The following NT5DC1 variants were observed in gnomAD, a reference collection of about 807,000 sequenced individuals.
The protein encoded by NT5DC1 is 5'-nucleotidase domain-containing protein 1.
A neutral mutation model predicts 59.4 loss-of-function variants in NT5DC1; 42 were observed. The ratio of observed to expected loss-of-function variants is 0.71; its 90% CI spans 0.55 to 0.92. NT5DC1 has a LOEUF of 0.92. NT5DC1 is among the 40% of genes least tolerant of loss of function. The pLI is 0.00. For missense variants in NT5DC1, 501 were observed against 537.1 expected (o/e 0.93, Z 0.66); for synonymous variants, 172 against 188.1 (o/e 0.91, Z 0.70).
At chr6:116,131,964 T>C (rs556758074) in intron 6 of NT5DC1, among the ~76,000 whole-genome samples, 3 of 152,358 alleles carry the variant, frequency 2.0e-5, no homozygotes, top group African/African-American at 7.2e-5. Context: ...CTAAGGATAA[T>C]GGCCTCCAGC....
intron 4 of NT5DC1, among the ~76,000 whole-genome samples, chr6:116,112,954 A>G (rs991432640): frequency 6.6e-6 from 1 of 152,232 alleles, no homozygotes; most frequent in Non-Finnish European, 1.5e-5. Context: ...TACATTTAGG[A>G]AATTTAAAGC....
At chr6:116,182,496 C>A (rs1031250648) in intron 6 of NT5DC1, among the ~76,000 whole-genome samples, 62 of 152,192 alleles carry the variant, frequency 4.1e-4, no homozygotes, top group African/African-American at 1.5e-3. Flanking sequence ...AGTTTACATA[C>A]CCACCAACAG....
intron 6 of NT5DC1, among the ~76,000 whole-genome samples, chr6:116,156,986 C>T (rs888489164): frequency 1.3e-5 from 2 of 152,074 alleles, no homozygotes; most frequent in Non-Finnish European, 2.9e-5. Context: ...CTCATCATAG[C>T]TTGTTTATTT....
chr6:116,241,213 CACTAAAGGAA>C (rs1274143388), intron 11 of NT5DC1, among the ~76,000 whole-genome samples: 2 of 151,292 alleles, frequency 1.3e-5, no homozygotes, highest in African/African-American at 4.9e-5. Context: ...CAGAAACCTG[CACTAAAGGAA>C]ATAAAGATTA....
chr6:116,219,242 G>A (rs930356477), intron 6 of NT5DC1, among the ~76,000 whole-genome samples: 2 of 152,278 alleles, frequency 1.3e-5, no homozygotes, highest in East Asian at 1.9e-4. Context: ...CGCCATCTCT[G>A]GTATATCAGA....
At chr6:116,177,590 A>G (rs1780762361) in intron 6 of NT5DC1, among the ~76,000 whole-genome samples, 1 of 152,186 alleles carries the variant, frequency 6.6e-6, no homozygotes, top group East Asian at 1.9e-4. Flanking sequence ...TAAAATATTA[A>G]CAGTTGCATT....
chr6:116,239,313 A>AT lies in NT5DC1; in HGVS notation c.1252+200dup, dbSNP rs57676300. 2.2e-3 allele frequency among the ~76,000 whole-genome samples: 339 copies of AT among 150,902 alleles called. 1 individual carries two copies. The highest frequency in any genetic ancestry group is 7.9e-3 in the African/African-American group (327 of 41,230). On this transcript the variant is annotated intron_variant, in intron 11 of 11. Transcript: ENST00000319550. ...GGGAGGCAACTACAAAAGCTCAACA[A>AT]TTTTTTTTTTAAGTCAGCTTGGAGG...
At chr6:116,155,700 C>G (rs1166908744) in intron 6 of NT5DC1, among the ~76,000 whole-genome samples, 1 of 141,858 alleles carries the variant, frequency 7.0e-6, no homozygotes, top group Non-Finnish European at 1.5e-5. Flanking sequence ...CTAAAGGGCA[C>G]TGGGTGAATA....
At chr6:116,210,955 A>G (rs963590540) in intron 6 of NT5DC1, among the ~76,000 whole-genome samples, 31 of 151,968 alleles carry the variant, frequency 2.0e-4, no homozygotes, top group African/African-American at 6.8e-4. Flanking sequence ...CAGAAGTCAC[A>G]CCTTTCTGTT....
At chr6:116,180,594 C>T (rs1780853949) in intron 6 of NT5DC1, among the ~76,000 whole-genome samples, 1 of 151,990 alleles carries the variant, frequency 6.6e-6, no homozygotes, top group South Asian at 2.1e-4. Context: ...TGATGTGATG[C>T]AATAAGAAAT....
Position 116,221,236 on chromosome 6 carries a change from A to T in NT5DC1, c.704+8A>T, listed in dbSNP as rs889952234. The T allele has an allele frequency of 3.9e-6, 6 of 1,535,506 alleles. No homozygotes were observed. Among genetic ancestry groups the T allele is most frequent in the Middle Eastern group, 1.7e-4 (1 of 5,758 alleles). ...CTGCGAATATATTCTTGGGTGAGTG[A>T]TGAGTCATTCAGTTTTCATTGTCTT... On this transcript the variant is annotated splice_region_variant and intron_variant, in intron 7 of 11. Coordinates refer to ENST00000319550, the MANE Select transcript of NT5DC1 (RefSeq NM_152729.3).
chr6:116,132,159 G>C (rs1326529840), intron 6 of NT5DC1, among the ~76,000 whole-genome samples: 1 of 152,110 alleles, frequency 6.6e-6, no homozygotes, highest in Non-Finnish European at 1.5e-5. Context: ...TATGTAGCCT[G>C]AATGTCTTTG....
chr6:116,108,512 C>T (rs1778808748), intron 3 of NT5DC1, 77 bp downstream of exon 3: 5 of 806,332 alleles, frequency 6.2e-6, no homozygotes, highest in Non-Finnish European at 1.1e-5. Flanking sequence ...ATGACCCTTA[C>T]AGTATGGGTT....
At chr6:116,180,942 T>C (rs1780859620) in intron 6 of NT5DC1, among the ~76,000 whole-genome samples, 2 of 152,210 alleles carry the variant, frequency 1.3e-5, no homozygotes, top group East Asian at 1.9e-4. Flanking sequence ...CTAACTGATA[T>C]ATGATGATAG....
intron 6 of NT5DC1, chr6:116,119,539 CA>C (rs1319468061): frequency 6.4e-6 from 1 of 155,792 alleles, no homozygotes; most frequent in African/African-American, 2.4e-5. Context: ...ATACAGGCCT[CA>C]GAGTAGTGCA....
rs776262722 is a variant in NT5DC1, at chr6:116,243,967, C to T, written c.1311C>T (p.Gly437=). The change falls in exon 12 of 12, where the codon GGC becomes GGT. Residue 437 remains glycine (G), a synonymous_variant. Coordinates refer to ENST00000319550, the MANE Select transcript of NT5DC1 (RefSeq NM_152729.3). ...RFSSSNSKTA[G]YYPNPPLVLS... ...CTTCAAGCAATTCAAAAACAGCTGG[C>T]TACTATCCAAATCCTCCACTGGTCT... The T allele has an allele frequency of 1.3e-6, 2 of 1,582,300 alleles. No homozygotes were observed. Among genetic ancestry groups the T allele is most frequent in the Non-Finnish European group, 1.7e-6 (2 of 1,154,630 alleles).
At chr6:116,118,087 G>T (rs1779004145) in intron 6 of NT5DC1, 142 bp downstream of exon 6, 2 of 676,056 alleles carry the variant, frequency 3.0e-6, no homozygotes, top group East Asian at 5.6e-5. Context: ...AGTTGGTTCT[G>T]ACTACATTTT....
At chr6:116,238,162 A>G in intron 9 of NT5DC1, 25 bp from the exon 10 acceptor site, 1 of 1,550,680 alleles carries the variant, frequency 6.4e-7, no homozygotes, top group Non-Finnish European at 8.7e-7. Flanking sequence ...TGTGCCTCAA[A>G]CAGCATCTGC....
intron 6 of NT5DC1, among the ~76,000 whole-genome samples, chr6:116,183,077 C>T (rs949907409): frequency 2.0e-5 from 3 of 152,038 alleles, no homozygotes; most frequent in African/African-American, 4.8e-5. Flanking sequence ...GGATCCATTT[C>T]GTTCTTCTAC....
Sources: gnomAD v4.1 joint callset for allele counts (sites outside exome capture counted in the v4.1 genomes callset) on GRCh38, gnomAD v4.1.1 for gene constraint, MANE v1.5 for transcripts, NCBI Gene and HGNC (gene_info 2026-07-23, HGNC 2026-07-21) for gene names.